PPP2R3B: variants seen among roughly 807,000 people sequenced by gnomAD.
PPP2R3B encodes the protein serine/threonine-protein phosphatase 2A regulatory subunit B'' subunit beta.
A neutral mutation model predicts 72.9 loss-of-function variants in PPP2R3B; 68 were observed. The observed-to-expected ratio is 0.93, with a 90% CI of 0.77 to 1.14. PPP2R3B has a LOEUF of 1.14. Ranked by LOEUF, PPP2R3B falls within the 50% of genes most tolerant of loss-of-function variation. PPP2R3B has a pLI of 0.00. For synonymous variants in PPP2R3B, 466 were observed against 375.8 expected (o/e 1.24, Z -2.78); for missense variants, 1,018 against 842.0 (o/e 1.21, Z -2.59).
intron 1 of PPP2R3B, among the ~76,000 whole-genome samples, chrX:384,419 C>T (rs2072200239): frequency 6.6e-6 from 1 of 151,730 alleles, no homozygotes; most frequent in South Asian, 2.1e-4. Context: ...GCCTCAGCCT[C>T]CTGAGTAGCT....
rs182827175 is a variant in PPP2R3B at position 370,287 on chromosome X, G to A, written c.325-8697C>T. 7.2e-5 allele frequency among the ~76,000 whole-genome samples: 11 copies of A among 152,314 alleles called. 1 individual carries two copies. The East Asian group carries it at 9.7e-4, about 13-fold the overall frequency. On this transcript the variant is annotated intron_variant, in intron 1 of 12. Coordinates refer to ENST00000390665, the MANE Select transcript of PPP2R3B (RefSeq NM_013239.5). The stretch of plus-strand genomic sequence containing the variant: ...GGTGTCTGAGTAGGCCAGAGCTCAC[G>A]TGGGCTAACATTCACTCAGACACAT...
intron 7 of PPP2R3B, among the ~76,000 whole-genome samples, chrX:344,069 A>ACGGGAGGCGGGAGGGAGACGTCGCCAG (rs2071137877): frequency 1.6e-5 from 1 of 61,822 alleles, no homozygotes; most frequent in Non-Finnish European, 3.4e-5. Flanking sequence ...GACGTCGCCA[A>ACGGGAGGCGGGAGGGAGACGTCGCCAG]CGGGAGGCGG....
intron 1 of PPP2R3B, among the ~76,000 whole-genome samples, chrX:379,609 G>C (rs1215977177): frequency 2.0e-5 from 3 of 152,242 alleles, no homozygotes; most frequent in Admixed American, 1.3e-4. Context: ...GTAGCTTCCA[G>C]AAATTAGAGA....
intron 1 of PPP2R3B, among the ~76,000 whole-genome samples, chrX:383,762 C>T (rs757227934): frequency 3.1e-5 from 4 of 130,356 alleles, no homozygotes; most frequent in Admixed American, 2.8e-4. Flanking sequence ...GGCGTGAACC[C>T]GGGAGGCGGA....
chrX:346,311 C>T lies in PPP2R3B; in HGVS notation c.793-51G>A, dbSNP rs772878505. ...GGTGCGCAGAGACCCCCAGGAGCCT[C>T]GCCCCGCACGGAGACCGGGAGCCGG... On this transcript the variant is annotated intron_variant, in intron 5 of 12. Transcript: ENST00000390665. 10 of 1,514,532 alleles carry T rather than the reference C, an allele frequency of 6.6e-6. No homozygotes were observed. The Admixed American group carries it at 1.2e-4, about 18-fold the overall frequency. 93.8% of individuals were successfully genotyped at this position (1,514,532 alleles called of 1,614,324 possible).
chrX:334,583 A>C, intron 12 of PPP2R3B, 66 bp from the exon 13 acceptor site: 2 of 1,381,790 alleles, frequency 1.4e-6, no homozygotes, highest in Non-Finnish European at 1.9e-6. Flanking sequence ...GTTTTCCGGG[A>C]AACACAGGCT....
intron 2 of PPP2R3B, among the ~76,000 whole-genome samples, chrX:354,550 T>A (rs1236424924): frequency 6.6e-6 from 1 of 152,122 alleles, no homozygotes; most frequent in Non-Finnish European, 1.5e-5. Flanking sequence ...TTTTATAATT[T>A]TAAAAAGTAA....
rs757960788 is a variant in PPP2R3B at position 383,837 on chromosome X, CAAAAAAAAAAAA to C, written c.324+2519_324+2530del. Among the ~76,000 whole-genome samples the C allele has an allele frequency of 4.7e-3, 215 of 45,624 alleles. 2 individuals carry two copies. In the East Asian group the frequency reaches 0.056, roughly 12 times the overall value. 29.9% of individuals were successfully genotyped at this position (45,624 alleles called of 152,430 possible). The stretch of plus-strand genomic sequence containing the variant: ...TGGGGGACAGAGCGAGACTCCGTCT[CAAAAAAAAAAAA>C]AAAAAAAAAAAAAAAAAACCAAAAA... On this transcript the variant is annotated intron_variant, in intron 1 of 12. Transcript: ENST00000390665.
At chrX:359,767 T>C in intron 2 of PPP2R3B, 1 of 481,172 alleles carries the variant, frequency 2.1e-6, no homozygotes, top group South Asian at 1.5e-5. Flanking sequence ...CTCATACACA[T>C]ATTTGTACAT....
intron 1 of PPP2R3B, chrX:373,667 G>A (rs1267408005): frequency 1.8e-5 from 4 of 224,104 alleles, no homozygotes; most frequent in South Asian, 9.3e-5. Flanking sequence ...TGCCGCCGGC[G>A]CGCAGGGCTC....
chrX:362,496 C>T (rs1338463659), intron 1 of PPP2R3B, among the ~76,000 whole-genome samples: 2 of 151,630 alleles, frequency 1.3e-5, no homozygotes, highest in Non-Finnish European at 1.5e-5. Flanking sequence ...TCCCCATCAA[C>T]TACTCGGGAC....
intron 9 of PPP2R3B, 160 bp from the exon 10 acceptor site, chrX:341,100 G>A (rs2124589797): frequency 1.5e-6 from 1 of 675,072 alleles, no homozygotes; most frequent in Admixed American, 6.5e-5. Context: ...GCCCCCACCG[G>A]GCGCGCACGC....
intron 2 of PPP2R3B, among the ~76,000 whole-genome samples, chrX:350,999 C>T (rs1326296894): frequency 2.6e-5 from 4 of 151,820 alleles, no homozygotes; most frequent in East Asian, 1.9e-4. Context: ...AGGTGCAGGG[C>T]GGGAGTGACC....
rs2072271857 is a variant in PPP2R3B, at chrX:386,902, A to G, written c.-211T>C. 1 of 185,216 alleles carries G rather than the reference A, an allele frequency of 5.4e-6. No individual in the cohort carries two copies. Among genetic ancestry groups the G allele is most frequent in the South Asian group, 1.9e-4 (1 of 5,204 alleles). 11.5% of individuals were successfully genotyped at this position (185,216 alleles called of 1,614,324 possible). A position where few individuals can be genotyped will look rare whatever the true frequency, so the allele number is the denominator to read the frequency against. On this transcript the variant is annotated 5_prime_UTR_variant, in exon 1 of 13. Coordinates refer to ENST00000390665, the MANE Select transcript of PPP2R3B (RefSeq NM_013239.5). Reference sequence around the variant, plus strand: ...CGGTCCGGCCCGCGCTGCTCAGGGCAGCTTCAAAACGGGCGCGCCGGCCGC... The same window carrying G: ...CGGTCCGGCCCGCGCTGCTCAGGGCGGCTTCAAAACGGGCGCGCCGGCCGC...
At chrX:367,055 G>C (rs1007070090) in intron 1 of PPP2R3B, among the ~76,000 whole-genome samples, 1 of 141,832 alleles carries the variant, frequency 7.1e-6, no homozygotes, top group Admixed American at 7.0e-5. Context: ...ATGAATACTT[G>C]GACATTTTTA....
In PPP2R3B at chrX:345,630, T is replaced by C. The variant is rs747181658; in HGVS notation, c.922A>G (p.Thr308Ala). 6.2e-7 allele frequency: 1 copy of C among 1,613,114 alleles called. No homozygotes were observed. Among genetic ancestry groups the C allele is most frequent in the South Asian group, 1.1e-5 (1 of 91,068 alleles). Reference sequence around the variant, plus strand: ...AAATGCTCGTACGAGAAGAATTCGGTCAGCTGGTTGATGTCCGCCTCCTCC... The same window carrying C: ...AAATGCTCGTACGAGAAGAATTCGGCCAGCTGGTTGATGTCCGCCTCCTCC... ...LEEEADINQL[T>A]EFFSYEHFYV... The change falls in exon 7 of 13, where the codon ACC (threonine) becomes GCC (alanine). Residue 308 changes from threonine (T) to alanine (A), a missense_variant. Thr to Ala is a moderately conservative substitution (Grantham distance 58, BLOSUM62 0). Coordinates refer to ENST00000390665, the MANE Select transcript of PPP2R3B (RefSeq NM_013239.5).
chrX:346,100 A>AGAGTGG (rs1556133052), intron 6 of PPP2R3B, 74 bp downstream of exon 6: 2 of 655,842 alleles, frequency 3.0e-6, no homozygotes, highest in Non-Finnish European at 4.8e-6. Flanking sequence ...AGGGGGGAGG[A>AGAGTGG]GGGAAGGGAA....
Position 381,144 on chromosome X carries a change from G to A in PPP2R3B, c.324+5224C>T, listed in dbSNP as rs1344748485. Among the ~76,000 whole-genome samples, 3 of 152,048 alleles carry A rather than the reference G, an allele frequency of 2.0e-5. No homozygotes were observed. The South Asian group carries it at 6.2e-4, about 32-fold the overall frequency. ...GAGTCTCGCTATGTTGCCCAGGCTG[G>A]GCTCAAACTCCTGGCCTCAAGGGAT... On this transcript the variant is annotated intron_variant, in intron 1 of 12. Transcript: ENST00000390665.
chrX:338,183 A>C, intron 12 of PPP2R3B: 1 of 300,320 alleles, frequency 3.3e-6, no homozygotes, highest in Non-Finnish European at 6.3e-6. Context: ...TGAGAAAGCA[A>C]CCAGCCCAGG....
Sources: allele counts gnomAD v4.1 joint callset (sites outside exome capture counted in the v4.1 genomes callset), GRCh38; gene constraint gnomAD v4.1.1; transcripts MANE v1.5; gene names NCBI Gene and HGNC (gene_info 2026-07-23, HGNC 2026-07-21).